The following GATAD2B variants were observed in gnomAD, a reference collection of about 807,000 sequenced individuals.
GATAD2B encodes GATA zinc finger domain containing 2B, also known as transcriptional repressor p66-beta.
In GATAD2B, 8 loss-of-function variants were observed where a neutral mutation model predicts 64.3. That is an observed-to-expected ratio of 0.12 (90% CI 0.07 to 0.22). The LOEUF is 0.22. Ranked by LOEUF, GATAD2B falls within the 10% of genes least tolerant of loss-of-function variation. GATAD2B has a pLI of 1.00. For synonymous variants in GATAD2B, 281 were observed against 271.3 expected, an observed-to-expected ratio of 1.04 and a Z score of -0.35; for missense variants, 453 against 752.0, an observed-to-expected ratio of 0.60 and a Z score of 4.65.
At chr1:153,832,981 T>G (rs187542494) in intron 1 of GATAD2B, among the ~76,000 whole-genome samples, 1 of 152,300 alleles carries the variant, frequency 6.6e-6, no homozygotes, top group Admixed American at 6.5e-5. Flanking sequence ...GAGGCTAATA[T>G]GGCTGGTGAC....
chr1:153,841,716 C>T (rs1675501619), intron 1 of GATAD2B, among the ~76,000 whole-genome samples: 1 of 152,064 alleles, frequency 6.6e-6, no homozygotes, highest in Admixed American at 6.6e-5. Context: ...GAGTTGTTTT[C>T]CGTTTTTGGC....
At chr1:153,901,857 T>TAAATAAATAAATAAATAAATA in intron 1 of GATAD2B, among the ~76,000 whole-genome samples, 1 of 146,482 alleles carries the variant, frequency 6.8e-6, no homozygotes, top group Non-Finnish European at 1.5e-5. Context: ...ATAAATAAAT[T>TAAATAAATAAATAAATAAATA]AAATAAAATG....
chr1:153,819,790 T>C (rs752087096), intron 2 of GATAD2B, 55 bp from the exon 3 acceptor site: 3 of 1,511,926 alleles, frequency 2.0e-6, no homozygotes, highest in South Asian at 1.3e-5. Context: ...AGAAAACTTC[T>C]ATGCTGAATT....
intron 1 of GATAD2B, among the ~76,000 whole-genome samples, chr1:153,837,557 G>A (rs1675318295): frequency 6.6e-6 from 1 of 151,952 alleles, no homozygotes; most frequent in African/African-American, 2.4e-5. Context: ...ACTTACAAAT[G>A]GTTAAGATGG....
intron 1 of GATAD2B, among the ~76,000 whole-genome samples, chr1:153,915,505 AG>A (rs979381732): frequency 1.3e-5 from 2 of 152,158 alleles, no homozygotes. Context: ...TGGGCAAGTC[AG>A]GGAAGGTTTC....
At chr1:153,840,247 C>T (rs1056088361) in intron 1 of GATAD2B, among the ~76,000 whole-genome samples, 2 of 151,468 alleles carry the variant, frequency 1.3e-5, no homozygotes, top group Non-Finnish European at 2.9e-5. Context: ...GTTGTCCAGG[C>T]TGGTCTTGAA....
intron 2 of GATAD2B, chr1:153,827,547 CAG>C (rs1289440449): frequency 6.1e-6 from 1 of 163,058 alleles, no homozygotes; most frequent in African/African-American, 2.4e-5. Flanking sequence ...AGCAAGAATG[CAG>C]AGACTTACCA....
At chr1:153,881,395 T>G (rs1422015567) in intron 1 of GATAD2B, among the ~76,000 whole-genome samples, 1 of 152,262 alleles carries the variant, frequency 6.6e-6, no homozygotes, top group Non-Finnish European at 1.5e-5. Flanking sequence ...TGAAGACAAC[T>G]AGAAGCCAGA....
At chr1:153,869,913 C>T (rs1350455751) in intron 1 of GATAD2B, among the ~76,000 whole-genome samples, 1 of 151,980 alleles carries the variant, frequency 6.6e-6, no homozygotes, top group Non-Finnish European at 1.5e-5. Context: ...ATGCCTTGAG[C>T]CCAGGAGTTC....
chr1:153,912,539 T>C (rs1218097776), intron 1 of GATAD2B, among the ~76,000 whole-genome samples: 1 of 152,158 alleles, frequency 6.6e-6, no homozygotes, highest in Non-Finnish European at 1.5e-5. Context: ...AACGGTGCAA[T>C]ACTTCAAAGG....
At chr1:153,910,831 A>C (rs1678090301) in intron 1 of GATAD2B, among the ~76,000 whole-genome samples, 1 of 152,242 alleles carries the variant, frequency 6.6e-6, no homozygotes, top group South Asian at 2.1e-4. Flanking sequence ...AAGCATTTCG[A>C]ACACATTTAA....
Position 153,818,876 on chromosome 1 carries a change from T to C in GATAD2B, c.512A>G (p.Asp171Gly), listed in dbSNP as rs1245433841. ...ERQQLIKQLR[D>G]ELRLEEARLV... ...TCGGGCTTCTTCCAATCGTAGCTCA[T>C]CCCTCAGCTGCTTGATAAGCTGCTG... is the stretch of plus-strand genomic sequence containing the variant. The change falls in exon 4 of 11, where the codon GAT becomes GGT. Residue 171 changes from aspartate to glycine, a missense_variant. Physicochemically the swap from Asp to Gly is moderately conservative, Grantham distance 94. Transcript: ENST00000368655. 8 of 1,613,100 alleles carry C rather than the reference T, an allele frequency of 5.0e-6. No individual in the cohort carries two copies. The highest frequency in any genetic ancestry group is 6.8e-6 in the Non-Finnish European group (8 of 1,179,812).
intron 8 of GATAD2B, 30 bp from the exon 9 acceptor site, chr1:153,812,162 A>T: frequency 9.8e-6 from 11 of 1,120,514 alleles, no homozygotes; most frequent in Non-Finnish European, 1.4e-5. Context: ...CAGGTGATTG[A>T]GCAGGACAGC....
intron 1 of GATAD2B, among the ~76,000 whole-genome samples, chr1:153,840,407 G>A (rs12120118): frequency 0.41 from 61,888 of 150,744 alleles, 13,778 homozygotes; most frequent in Non-Finnish European, 0.52. Flanking sequence ...GCGCGATCTC[G>A]GCTCACCGCA....
At chr1:153,884,900 G>A (rs1169981669) in intron 1 of GATAD2B, among the ~76,000 whole-genome samples, 4 of 151,762 alleles carry the variant, frequency 2.6e-5, no homozygotes, top group East Asian at 3.9e-4. Flanking sequence ...GGGATTACAC[G>A]GGCCTGCCAC....
chr1:153,889,963 C>T (rs866872895), intron 1 of GATAD2B, among the ~76,000 whole-genome samples: 2 of 151,604 alleles, frequency 1.3e-5, no homozygotes, highest in African/African-American at 2.4e-5. Flanking sequence ...CACCTGAGGT[C>T]GGGAGTTGGA....
chr1:153,905,199 C>T (rs2101963736), intron 1 of GATAD2B, among the ~76,000 whole-genome samples: 1 of 152,176 alleles, frequency 6.6e-6, no homozygotes, highest in South Asian at 2.1e-4. Flanking sequence ...TATGGTGAAA[C>T]TCCGTCTCTA....
intron 1 of GATAD2B, among the ~76,000 whole-genome samples, chr1:153,918,725 G>A (rs186570865): frequency 6.6e-6 from 1 of 152,094 alleles, no homozygotes; most frequent in Non-Finnish European, 1.5e-5. Flanking sequence ...GGCTGAGGTG[G>A]GCAGATCACC....
At chr1:153,837,815 CAAAA>C (rs536720137) in intron 1 of GATAD2B, among the ~76,000 whole-genome samples, 1 of 151,664 alleles carries the variant, frequency 6.6e-6, no homozygotes, top group Non-Finnish European at 1.5e-5. Context: ...TATTCCTCTG[CAAAA>C]AAAAGAAAAT....
Sources: allele counts gnomAD v4.1 joint callset (sites outside exome capture counted in the v4.1 genomes callset), GRCh38; gene constraint gnomAD v4.1.1; transcripts MANE v1.5; gene names NCBI Gene and HGNC (gene_info 2026-07-23, HGNC 2026-07-21).